Variants in GTPBP1 observed in about 807,000 individuals in gnomAD.
GTPBP1 encodes GTP-binding protein 1.
A neutral mutation model predicts 62.0 loss-of-function variants in GTPBP1; 23 were observed. That is an observed-to-expected ratio of 0.37 (90% confidence interval 0.27 to 0.53). The LOEUF (loss-of-function observed/expected upper bound fraction) is 0.53. GTPBP1 is among the 20% of genes least tolerant of loss of function. GTPBP1 has a pLI of 0.89. For missense variants in GTPBP1, 640 were observed against 917.3 expected, an observed-to-expected ratio of 0.70 and a Z score of 3.90; for synonymous variants, 344 against 364.4, an observed-to-expected ratio of 0.94 and a Z score of 0.64.
intron 4 of GTPBP1, among the ~76,000 whole-genome samples, chr22:38,717,369 T>A (rs2092676524): frequency 6.6e-6 from 1 of 152,110 alleles, no homozygotes; most frequent in Admixed American, 6.5e-5. Flanking sequence ...AGGTAGGTAG[T>A]ACCTTCAGAG....
At chr22:38,707,097 T>C (rs973555792) in intron 1 of GTPBP1, among the ~76,000 whole-genome samples, 1 of 152,212 alleles carries the variant, frequency 6.6e-6, no homozygotes, top group Admixed American at 6.5e-5. Context: ...ACAGATGGGT[T>C]GTAAAAATTA....
downstream of GTPBP1, chr22:38,736,386 T>A: frequency 6.2e-7 from 1 of 1,609,456 alleles, no homozygotes; most frequent in Non-Finnish European, 8.5e-7. Context: ...GGGGCCTGGG[T>A]AGAGAAGAAA....
chr22:38,726,488 G>C lies in GTPBP1; in HGVS notation c.1401+48G>C. ...GCTCCCCTCAGACTCCATCATGCTA[G>C]GCTCTTGGCCAGATGCCCTGCTCAC... On this transcript the variant is annotated intron_variant, in intron 8 of 11. Transcript: ENST00000216044. This position sits in a 1 kb window ranked among gnomAD's most constrained non-coding sequence, Gnocchi z 4.1. 1 of 1,529,722 alleles carries C rather than the reference G, an allele frequency of 6.5e-7. No homozygotes were observed. Among genetic ancestry groups the C allele is most frequent in the Non-Finnish European group, 9.0e-7 (1 of 1,109,632 alleles). The allele number at this position is 1,529,722 out of a possible 1,614,324, so 94.8% of individuals were successfully genotyped here.
intron 10 of GTPBP1, chr22:38,728,886 G>A (rs1447130037): frequency 2.6e-5 from 4 of 152,626 alleles, no homozygotes; most frequent in African/African-American, 9.6e-5. Flanking sequence ...TGGGCCACAA[G>A]GGAAGATTTC....
At chr22:38,734,858 A>T (rs2092787762), downstream of GTPBP1, 2 of 191,896 alleles carry the variant, frequency 1.0e-5, no homozygotes, top group Admixed American at 5.4e-5. Context: ...CTCGGGATGG[A>T]GCGGGGCGGC....
rs1272450054 is a variant in GTPBP1, at chr22:38,730,803, C to T, written c.*99C>T. On this transcript the variant is annotated 3_prime_UTR_variant, in exon 12 of 12. Coordinates refer to ENST00000216044, the MANE Select transcript of GTPBP1 (RefSeq NM_004286.5). The surrounding 1 kb of genome is among the most constrained non-coding windows in gnomAD (Gnocchi z 5.6). ...AGCTATGACCGCCACCCAGCCCTCC[C>T]GCTCAGGCCACAGCCGGAGCCTCCG... The T allele has an allele frequency of 7.7e-6, 5 of 652,492 alleles. No individual in the cohort carries two copies. Among genetic ancestry groups the T allele is most frequent in the South Asian group, 3.9e-5 (2 of 51,738 alleles). The allele number at this position is 652,492 out of a possible 1,614,324, so 40.4% of individuals were successfully genotyped here.
At chr22:38,739,122 G>A (rs1337961621), downstream of GTPBP1, 10 of 1,002,602 alleles carry the variant, frequency 1.0e-5, no homozygotes, top group Non-Finnish European at 1.4e-5. This position sits in a 1 kb window ranked among gnomAD's most constrained non-coding sequence, Gnocchi z 6.7. Flanking sequence ...GAGATGCTCA[G>A]AGCAGCTTTA....
At chr22:38,721,886 G>GC in intron 5 of GTPBP1, 21 bp downstream of exon 5, 1 of 1,555,262 alleles carries the variant, frequency 6.4e-7, no homozygotes, top group South Asian at 1.2e-5. Context: ...CCTCCAGCTA[G>GC]CAGCAGCCCC....
chr22:38,734,251 G>A, downstream of GTPBP1: 1 of 461,518 alleles, frequency 2.2e-6, no homozygotes, highest in Non-Finnish European at 4.5e-6. Flanking sequence ...AGCTATCTGT[G>A]GGAAAGGTCA....
downstream of GTPBP1, chr22:38,736,459 G>A: frequency 8.1e-7 from 1 of 1,233,776 alleles, no homozygotes; most frequent in Non-Finnish European, 1.1e-6. Flanking sequence ...AGGGGAGACA[G>A]CCTCGCCTAG....
intron 2 of GTPBP1, among the ~76,000 whole-genome samples, chr22:38,712,550 G>C (rs556022032): frequency 7.2e-5 from 11 of 152,270 alleles, no homozygotes; most frequent in African/African-American, 2.2e-4. Flanking sequence ...TGAATGAGCC[G>C]GCAGGATGGA....
In GTPBP1 at chr22:38,729,473, C is replaced by A; in HGVS notation, c.1728C>A (p.Thr576=). ...CATGGCTCCCACAGCTCCTCCAGAC[C>A]ACCAACAACTCCCCAATGAACTCCA... ...AVGTITKLLQ[T]TNNSPMNSKP... is the part of the protein sequence containing the mutation. The change falls in exon 11 of 12, where the codon ACC becomes ACA. Residue 576 remains threonine, a synonymous_variant. Coordinates refer to ENST00000216044, the MANE Select transcript of GTPBP1 (RefSeq NM_004286.5). The A allele has an allele frequency of 6.2e-7, 1 of 1,603,910 alleles. No individual in the cohort carries two copies. The highest frequency in any genetic ancestry group is 1.1e-5 in the South Asian group (1 of 89,904).
downstream of GTPBP1, chr22:38,740,155 T>G: frequency 1.5e-6 from 2 of 1,379,030 alleles, no homozygotes; most frequent in Non-Finnish European, 1.9e-6. The surrounding 1 kb of genome is among the most constrained non-coding windows in gnomAD (Gnocchi z 4.8). Flanking sequence ...CCACAGTCTC[T>G]TGGGCATAAC....
intron 2 of GTPBP1, among the ~76,000 whole-genome samples, chr22:38,713,778 T>C (rs1463812231): frequency 1.3e-5 from 2 of 152,214 alleles, no homozygotes; most frequent in African/African-American, 4.8e-5. Flanking sequence ...TTATTAACAT[T>C]GTTAGTGTCT....
At chr22:38,738,501 A>G, downstream of GTPBP1, 1 of 1,533,682 alleles carries the variant, frequency 6.5e-7, no homozygotes, top group Non-Finnish European at 8.9e-7. This position sits in a 1 kb window ranked among gnomAD's most constrained non-coding sequence, Gnocchi z 6.6. Context: ...TTCCAGTCCA[A>G]GGGTGACCCT....
At chr22:38,714,749 C>G (rs1034898212) in intron 2 of GTPBP1, among the ~76,000 whole-genome samples, 1 of 151,808 alleles carries the variant, frequency 6.6e-6, no homozygotes, top group African/African-American at 2.4e-5. Flanking sequence ...ATATTTGGTG[C>G]GGGGGAAGAG....
At chr22:38,738,509 C>G (rs2092826737), downstream of GTPBP1, 1 of 1,552,600 alleles carries the variant, frequency 6.4e-7, no homozygotes, top group Non-Finnish European at 8.8e-7. This position sits in a 1 kb window ranked among gnomAD's most constrained non-coding sequence, Gnocchi z 6.6. Flanking sequence ...CAAGGGTGAC[C>G]CTGACTTGAT....
At chr22:38,713,162 G>A (rs1201343910) in intron 2 of GTPBP1, among the ~76,000 whole-genome samples, 1 of 152,184 alleles carries the variant, frequency 6.6e-6, no homozygotes, top group Non-Finnish European at 1.5e-5. Flanking sequence ...ATGAGCAAAG[G>A]TGTAGAGCTA....
intron 5 of GTPBP1, 29 bp from the exon 6 acceptor site, chr22:38,724,268 C>T (rs2092715819): frequency 2.3e-6 from 3 of 1,325,246 alleles, no homozygotes; most frequent in African/African-American, 2.9e-5. Flanking sequence ...GCTGTGTCCC[C>T]CTAATTCTGT....
Sources: allele counts gnomAD v4.1 joint callset (sites outside exome capture counted in the v4.1 genomes callset), GRCh38; gene constraint gnomAD v4.1.1; non-coding constraint Gnocchi (gnomAD v3.1); transcripts MANE v1.5; gene names NCBI Gene and HGNC (gene_info 2026-07-23, HGNC 2026-07-21).